The following DOCK1 variants were observed in gnomAD, a reference collection of about 807,000 sequenced individuals.
DOCK1 encodes dedicator of cytokinesis 1.
Under a neutral mutation model 262.7 loss-of-function variants are expected in DOCK1, and 138 were observed. The ratio of observed to expected loss-of-function variants is 0.53; its 90% CI spans 0.46 to 0.61. DOCK1 has a LOEUF of 0.61. Ranked by LOEUF, DOCK1 falls within the 20% of genes least tolerant of loss-of-function variation. The probability of loss-of-function intolerance (pLI) is 0.00; values close to 1 mark genes in which losing one functional copy is unlikely to be tolerated. For missense variants in DOCK1, 1,908 were observed against 2,370.7 expected (o/e 0.80, Z 4.05); for synonymous variants, 866 against 867.4 (o/e 1.00, Z 0.03).
In DOCK1 at chr10:127,447,430, C is replaced by T; in HGVS notation, c.5450C>T (p.Ala1817Val). The T allele has an allele frequency of 6.2e-7, 1 of 1,613,164 alleles. No homozygotes were observed. Residue 1817 changes from alanine to valine, a missense_variant, in exon 51 of 52, where the codon GCC becomes GTC. Ala to Val is a moderately conservative substitution (Grantham distance 64, BLOSUM62 0). Coordinates refer to ENST00000623213, the MANE Select transcript of DOCK1 (RefSeq NM_001290223.2). ...AACGGCATGACGGGGGCGGACGTGGCCGATGTCCCACCCCCTCTGCCTCTC... is the reference window on the plus strand; with the variant it reads ...AACGGCATGACGGGGGCGGACGTGGTCGATGTCCCACCCCCTCTGCCTCTC... ...ELNGMTGADV[A>V]DVPPPLPLKG...
chr10:127,036,952 G>A (rs2043664421), intron 18 of DOCK1, among the ~76,000 whole-genome samples: 1 of 143,228 alleles, frequency 7.0e-6, no homozygotes, highest in Non-Finnish European at 1.5e-5. Flanking sequence ...ACTCCAGCCT[G>A]GGCAGCAAGA....
chr10:127,345,266 T>G lies in DOCK1; in HGVS notation c.3224+1520T>G, dbSNP rs574619564. 2.0e-5 allele frequency among the ~76,000 whole-genome samples: 3 copies of G among 152,310 alleles called. No individual in the cohort carries two copies. The South Asian group carries it at 6.2e-4, about 32-fold the overall frequency. Reference sequence around the variant, plus strand: ...TTATGTCAGTGACTTTCTAAGCATTTCATGTGCATTTTTCTTCTATAATCA... The same window carrying G: ...TTATGTCAGTGACTTTCTAAGCATTGCATGTGCATTTTTCTTCTATAATCA... On this transcript the variant is annotated intron_variant, in intron 31 of 51. Transcript: ENST00000623213.
chr10:127,348,870 A>G (rs1011181046), intron 31 of DOCK1, among the ~76,000 whole-genome samples: 3 of 152,216 alleles, frequency 2.0e-5, no homozygotes, highest in African/African-American at 7.2e-5. Context: ...AGAAGCTGCA[A>G]TTGTATATTC....
chr10:127,448,830 C>T (rs1190735205), intron 51 of DOCK1, among the ~76,000 whole-genome samples: 1 of 148,768 alleles, frequency 6.7e-6, no homozygotes, highest in East Asian at 2.0e-4. Context: ...CTTTAATAAA[C>T]AATATAAATC....
intron 27 of DOCK1, among the ~76,000 whole-genome samples, chr10:127,190,015 G>A (rs928862910): frequency 2.6e-5 from 4 of 152,128 alleles, no homozygotes; most frequent in African/African-American, 7.2e-5. Context: ...GTGAGCTCTG[G>A]TGAAAACTCT....
intron 25 of DOCK1, among the ~76,000 whole-genome samples, chr10:127,117,039 A>G (rs1435648756): frequency 6.6e-6 from 1 of 152,070 alleles, no homozygotes; most frequent in East Asian, 1.9e-4. Flanking sequence ...GTCTTTCATT[A>G]TATATGTTTT....
rs531604207 is a variant in DOCK1 at position 126,905,728 on chromosome 10, G to C, written c.46+165G>C. Among the ~76,000 whole-genome samples, 4 of 149,428 alleles carry C rather than the reference G, an allele frequency of 2.7e-5. No homozygotes were observed. In the South Asian group the frequency reaches 8.3e-4, roughly 31 times the overall value. ...CCCGCTCGCAATGCCCGGCGACCCC[G>C]GCCGCCCCGCGCCCCCGGCGGCGTC... On this transcript the variant is annotated intron_variant, in intron 1 of 51. Transcript: ENST00000623213.
chr10:127,419,719 C>A lies in DOCK1; in HGVS notation c.4746C>A (p.Ile1582=). The change falls in exon 46 of 52, where the codon ATC becomes ATA. Residue 1582 remains isoleucine (I), a synonymous_variant. Coordinates refer to ENST00000623213, the MANE Select transcript of DOCK1 (RefSeq NM_001290223.2). ...LQEHPEAHEK[I]EKLKDLIAWQ... is the part of the protein sequence containing the mutation. The stretch of plus-strand genomic sequence containing the variant: ...AGCACCCTGAGGCCCATGAAAAGAT[C>A]GAGAAGCTCAAGGACCTGATTGCTT... The A allele has an allele frequency of 6.2e-7, 1 of 1,604,154 alleles. No homozygotes were observed. The highest frequency in any genetic ancestry group is 8.5e-7 in the Non-Finnish European group (1 of 1,175,116).
intron 15 of DOCK1, among the ~76,000 whole-genome samples, chr10:127,025,727 G>C (rs551883463): frequency 2.0e-5 from 3 of 152,058 alleles, no homozygotes; most frequent in Non-Finnish European, 4.4e-5. Context: ...TGGGATTACA[G>C]GCATGAGCCA....
chr10:126,949,149 A>G (rs1268514225), intron 1 of DOCK1, among the ~76,000 whole-genome samples: 1 of 151,872 alleles, frequency 6.6e-6, no homozygotes, highest in Non-Finnish European at 1.5e-5. Flanking sequence ...TCCCCTCTGC[A>G]CTTGTTTGCT....
At chr10:127,353,766 C>T (rs537502418) in intron 31 of DOCK1, among the ~76,000 whole-genome samples, 1 of 152,228 alleles carries the variant, frequency 6.6e-6, no homozygotes, top group Non-Finnish European at 1.5e-5. Flanking sequence ...CCACTCATGC[C>T]GTGAGTGACA....
chr10:127,392,384 C>T (rs553562355), intron 38 of DOCK1, among the ~76,000 whole-genome samples: 3 of 152,092 alleles, frequency 2.0e-5, no homozygotes, highest in African/African-American at 7.2e-5. Flanking sequence ...CTGTGGCTGC[C>T]ACCTCTGGAT....
rs1043026818 is a variant in DOCK1, at chr10:127,350,297, T to C, written c.3225-4372T>C. Among the ~76,000 whole-genome samples the C allele has an allele frequency of 6.4e-5, 6 of 93,914 alleles. No individual in the cohort carries two copies. In the South Asian group the frequency reaches 1.4e-3, roughly 22 times the overall value. 61.6% of individuals were successfully genotyped at this position (93,914 alleles called of 152,430 possible). ...AAAACCTGCCTCCTGCAGCCTCTGC[T>C]CACGGTGCACCCCTCACCCCCTGGT... On this transcript the variant is annotated intron_variant, in intron 31 of 51. Transcript: ENST00000623213.
intron 23 of DOCK1, among the ~76,000 whole-genome samples, chr10:127,076,458 G>A (rs1351729764): frequency 6.6e-6 from 1 of 152,146 alleles, no homozygotes; most frequent in East Asian, 1.9e-4. Context: ...CCAAGATCAC[G>A]CCACTGCACT....
At chr10:127,404,304 C>A (rs2067388008) in intron 39 of DOCK1, 21 bp from the exon 40 acceptor site, 1 of 1,602,226 alleles carries the variant, frequency 6.2e-7, no homozygotes, top group African/African-American at 1.3e-5. Flanking sequence ...ACCTGAAATG[C>A]ATTTTCTTTT....
chr10:127,219,502 A>G (rs79132871), intron 27 of DOCK1, among the ~76,000 whole-genome samples: 4,630 of 152,256 alleles, frequency 0.03, 223 homozygotes, highest in African/African-American at 0.11. Flanking sequence ...TATCACATAG[A>G]ATTTATCACC....
At chr10:127,044,499 C>T (rs752375467) in intron 21 of DOCK1, among the ~76,000 whole-genome samples, 3 of 152,108 alleles carry the variant, frequency 2.0e-5, no homozygotes, top group African/African-American at 7.2e-5. Context: ...CCTTACAGAC[C>T]GTGGGGAGGG....
At chr10:127,389,686 G>A (rs746587717) in intron 38 of DOCK1, among the ~76,000 whole-genome samples, 5 of 152,140 alleles carry the variant, frequency 3.3e-5, no homozygotes, top group Non-Finnish European at 4.4e-5. Context: ...TGTCGTGAGA[G>A]TGAGTGAGTT....
intron 27 of DOCK1, among the ~76,000 whole-genome samples, chr10:127,151,423 G>A (rs1374208371): frequency 1.3e-5 from 2 of 152,188 alleles, no homozygotes; most frequent in Admixed American, 6.5e-5. Context: ...TGTAGCAGAA[G>A]TTTGGCTGTT....
Sources: allele counts gnomAD v4.1 joint callset (sites outside exome capture counted in the v4.1 genomes callset), GRCh38; gene constraint gnomAD v4.1.1; transcripts MANE v1.5; gene names NCBI Gene and HGNC (gene_info 2026-07-23, HGNC 2026-07-21).